The following FGF12 variants were observed in gnomAD, a reference collection of about 807,000 sequenced individuals.
FGF12 encodes the protein fibroblast growth factor 12B.
In FGF12, 14 loss-of-function variants were observed where a neutral mutation model predicts 23.6. The observed-to-expected ratio is 0.59, with a 90% CI of 0.39 to 0.93. The LOEUF is 0.93. FGF12 is among the 40% of genes least tolerant of loss of function. FGF12 has a pLI of 0.00. For missense variants in FGF12, 175 were observed against 217.8 expected, an observed-to-expected ratio of 0.80 and a Z score of 1.24; for synonymous variants, 62 against 77.3, an observed-to-expected ratio of 0.80 and a Z score of 1.04.
rs186114702 is a variant in FGF12, at chr3:192,280,216, T to C, written c.228+55145A>G. 3.9e-5 allele frequency among the ~76,000 whole-genome samples: 6 copies of C among 152,278 alleles called. No individual in the cohort carries two copies. The East Asian group carries it at 1.2e-3, about 29-fold the overall frequency. On this transcript the variant is annotated intron_variant, in intron 4 of 5. Coordinates refer to ENST00000445105, the MANE Select transcript of FGF12 (RefSeq NM_004113.6). ...TGTTTTGTAAATCCTACTTTGCAAA[T>C]GTAATGAGGTTTTTTTCCAAACAAA...
At chr3:192,192,475 T>C (rs576248787) in intron 4 of FGF12, among the ~76,000 whole-genome samples, 2 of 147,898 alleles carry the variant, frequency 1.4e-5, no homozygotes, top group South Asian at 4.2e-4. Flanking sequence ...ATAATAAATA[T>C]ATAATATAAA....
In FGF12 at chr3:192,514,812, C is replaced by A; in HGVS notation, c.14-154274G>T. On this transcript the variant is annotated intron_variant, in intron 2 of 5. Transcript: ENST00000445105. This position sits in a 1 kb window ranked among gnomAD's most constrained non-coding sequence, Gnocchi z 4.9. ...TCCCCGCCCACCTGCGCTAGTAGTC[C>A]AACCAACAGGCGGCCTGTCTTCGGA... 1 of 985,378 alleles carries A rather than the reference C, an allele frequency of 1.0e-6. No individual in the cohort carries two copies. The highest frequency in any genetic ancestry group is 1.2e-6 in the Non-Finnish European group (1 of 829,912). 61.0% of individuals were successfully genotyped at this position (985,378 alleles called of 1,614,324 possible).
intron 4 of FGF12, among the ~76,000 whole-genome samples, chr3:192,298,699 G>C (rs1216115045): frequency 6.6e-6 from 1 of 152,096 alleles, no homozygotes; most frequent in African/African-American, 2.4e-5. Context: ...GTGAGCTATC[G>C]TGCCACTGCA....
At chr3:192,305,704 A>G (rs1715602048) in intron 4 of FGF12, among the ~76,000 whole-genome samples, 1 of 147,628 alleles carries the variant, frequency 6.8e-6, no homozygotes, top group South Asian at 2.1e-4. Context: ...ATAAATATAT[A>G]TAAATCCTAT....
At chr3:192,370,279 T>G (rs953304871) in intron 2 of FGF12, among the ~76,000 whole-genome samples, 7 of 152,246 alleles carry the variant, frequency 4.6e-5, no homozygotes, top group Non-Finnish European at 1.0e-4. Flanking sequence ...CCTTCATATA[T>G]GTACATGTAT....
intron 2 of FGF12, among the ~76,000 whole-genome samples, chr3:192,486,429 G>T (rs970668535): frequency 6.6e-6 from 1 of 152,078 alleles, no homozygotes; most frequent in South Asian, 2.1e-4. Context: ...TATTGCTTCA[G>T]ATGAGGCCTT....
intron 2 of FGF12, among the ~76,000 whole-genome samples, chr3:192,498,876 T>C (rs1724038354): frequency 6.6e-6 from 1 of 152,226 alleles, no homozygotes; most frequent in Non-Finnish European, 1.5e-5. Context: ...AAGTTTCTAT[T>C]TAACTGATAA....
intron 4 of FGF12, among the ~76,000 whole-genome samples, chr3:192,326,910 A>G (rs149509698): frequency 1.3e-3 from 202 of 152,334 alleles, no homozygotes; most frequent in African/African-American, 4.6e-3. Context: ...ACTCAGCAAT[A>G]ATAGAGTTAT....
At chr3:192,562,411 A>G (rs979055180) in intron 2 of FGF12, among the ~76,000 whole-genome samples, 7 of 152,338 alleles carry the variant, frequency 4.6e-5, no homozygotes, top group African/African-American at 1.7e-4. Context: ...TAGAAACACA[A>G]AGAATGCATG....
At chr3:192,389,462 T>C (rs1720201568) in intron 2 of FGF12, among the ~76,000 whole-genome samples, 1 of 152,234 alleles carries the variant, frequency 6.6e-6, no homozygotes, top group Admixed American at 6.5e-5. Flanking sequence ...ATACGTGCAT[T>C]TTAACGCTAT....
At chr3:192,686,815 ATTTTTTTTTTTTT>A (rs57045697) in intron 2 of FGF12, among the ~76,000 whole-genome samples, 2 of 61,432 alleles carry the variant, frequency 3.3e-5, no homozygotes, top group Non-Finnish European at 5.5e-5. Flanking sequence ...TTTTTCTCTA[ATTTTTTTTTTTTT>A]TTTTTTTTTT....
chr3:192,154,863 C>G (rs1714281734), intron 5 of FGF12, among the ~76,000 whole-genome samples: 1 of 142,862 alleles, frequency 7.0e-6, no homozygotes, highest in African/African-American at 2.6e-5. Context: ...TTCCCGGCTG[C>G]TTTGTTTACC....
intron 2 of FGF12, among the ~76,000 whole-genome samples, chr3:192,598,539 T>C (rs946782372): frequency 5.3e-5 from 8 of 152,168 alleles, no homozygotes; most frequent in African/African-American, 1.9e-4. Flanking sequence ...TGGGTCTTGA[T>C]ATTCCTTAGA....
intron 2 of FGF12, among the ~76,000 whole-genome samples, chr3:192,636,598 G>T (rs71312502): frequency 3.3e-5 from 5 of 152,128 alleles, no homozygotes; most frequent in Non-Finnish European, 5.9e-5. Context: ...CCTGAAAATG[G>T]GTGTGGGTAC....
chr3:192,436,648 C>T (rs1056734203), intron 2 of FGF12, among the ~76,000 whole-genome samples: 4 of 152,188 alleles, frequency 2.6e-5, no homozygotes, highest in Non-Finnish European at 4.4e-5. Flanking sequence ...TTAGATTGCA[C>T]AATGTCAGTT....
chr3:192,356,393 G>A (rs11712316), intron 3 of FGF12, among the ~76,000 whole-genome samples: 98,803 of 152,060 alleles, frequency 0.65, 34,904 homozygotes, highest in East Asian at 0.93. Flanking sequence ...TCTCCCTAGC[G>A]TTTTTGACCT....
chr3:192,634,547 A>G (rs1285568434), intron 2 of FGF12, among the ~76,000 whole-genome samples: 1 of 152,128 alleles, frequency 6.6e-6, no homozygotes, highest in African/African-American at 2.4e-5. Context: ...AGGGATGACT[A>G]TATATACATA....
intron 4 of FGF12, among the ~76,000 whole-genome samples, chr3:192,319,651 T>G (rs1175141395): frequency 6.6e-6 from 1 of 151,936 alleles, no homozygotes; most frequent in African/African-American, 2.4e-5. Context: ...AAGACATGGA[T>G]AGTATAATAA....
chr3:192,516,750 T>C (rs2108843640), intron 2 of FGF12: 1 of 152,340 alleles, frequency 6.6e-6, no homozygotes, highest in African/African-American at 2.4e-5. Flanking sequence ...GTCCTGTTGT[T>C]CAGTGGTATC....
Sources: gnomAD v4.1 joint callset for allele counts (sites outside exome capture counted in the v4.1 genomes callset) on GRCh38, gnomAD v4.1.1 for gene constraint, Gnocchi (gnomAD v3.1) non-coding constraint, MANE v1.5 for transcripts, NCBI Gene and HGNC (gene_info 2026-07-23, HGNC 2026-07-21) for gene names.